Variants in RANBP2 observed in about 807,000 individuals in gnomAD.
RANBP2 encodes the protein E3 SUMO-protein ligase RanBP2.
In RANBP2, 57 loss-of-function variants were observed where a neutral mutation model predicts 303.6. The ratio of observed to expected loss-of-function variants is 0.19; its 90% CI spans 0.15 to 0.23. The LOEUF (loss-of-function observed/expected upper bound fraction) is 0.23, where lower values mean the gene tolerates loss of function less well. Ranked by LOEUF, RANBP2 falls within the 10% of genes least tolerant of loss-of-function variation. The probability of loss-of-function intolerance (pLI) is 1.00; values close to 1 mark genes in which losing one functional copy is unlikely to be tolerated. For missense variants in RANBP2, 3,138 were observed against 3,780.8 expected, an observed-to-expected ratio of 0.83 and a Z score of 4.46; for synonymous variants, 1,167 against 1,301.5, an observed-to-expected ratio of 0.90 and a Z score of 2.23.
chr2:109,647,674 T>C, the RANBP2 span, among the ~76,000 whole-genome samples: 2 of 150,572 alleles, frequency 1.3e-5, no homozygotes, highest in Non-Finnish European at 3.0e-5. Context: ...TTCACTATGT[T>C]GGCCAGGCTG....
the RANBP2 span, among the ~76,000 whole-genome samples, chr2:109,194,502 C>T: frequency 3.9e-5 from 6 of 152,160 alleles, no homozygotes; most frequent in East Asian, 3.8e-4. Flanking sequence ...GTGGGTGGTG[C>T]GCATCTGAGG....
chr2:109,156,432 A>G, the RANBP2 span, among the ~76,000 whole-genome samples: 122 of 152,048 alleles, frequency 8.0e-4, 1 homozygote, highest in African/African-American at 2.7e-3. Flanking sequence ...AGGATACACT[A>G]AGGGATGAAT....
the RANBP2 span, among the ~76,000 whole-genome samples, chr2:109,241,267 A>AACAACT: frequency 8.6e-5 from 13 of 151,878 alleles, no homozygotes; most frequent in African/African-American, 3.1e-4. Context: ...TAACAACAAC[A>AACAACT]ACAGAAAAGA....
the RANBP2 span, among the ~76,000 whole-genome samples, chr2:109,535,054 G>C: frequency 4.6e-5 from 7 of 152,254 alleles, no homozygotes; most frequent in East Asian, 1.9e-4. Flanking sequence ...CAGGTGCACT[G>C]TTTAATTTCT....
At chr2:109,689,747 CTTAA>C in the RANBP2 span, among the ~76,000 whole-genome samples, 1 of 152,138 alleles carries the variant, frequency 6.6e-6, no homozygotes, top group Admixed American at 6.5e-5. Context: ...TAGTCAAGCA[CTTAA>C]AGGGAAATTT....
chr2:108,841,493 A>G, the RANBP2 span, among the ~76,000 whole-genome samples: 1 of 152,058 alleles, frequency 6.6e-6, no homozygotes, highest in Non-Finnish European at 1.5e-5. Context: ...TCATTTTATA[A>G]TGTCCTTCTC....
intron 1 of RANBP2, among the ~76,000 whole-genome samples, chr2:108,721,902 C>G (rs1217981342): frequency 6.6e-6 from 1 of 151,864 alleles, no homozygotes. Context: ...CCACCATGCC[C>G]GGCTTTTTTC....
At chr2:108,758,204 G>A (rs576931321) in intron 17 of RANBP2, among the ~76,000 whole-genome samples, 4 of 151,956 alleles carry the variant, frequency 2.6e-5, no homozygotes, top group Non-Finnish European at 5.9e-5. Context: ...CGCTGAAGTG[G>A]GAGAATTGCT....
the RANBP2 span, among the ~76,000 whole-genome samples, chr2:109,133,844 T>A: frequency 5.2e-4 from 79 of 151,978 alleles, 1 homozygote; most frequent in South Asian, 0.016. Context: ...GGACAACAGA[T>A]CCCTGATAAG....
the RANBP2 span, among the ~76,000 whole-genome samples, chr2:109,081,889 C>A: frequency 6.6e-6 from 1 of 152,208 alleles, no homozygotes; most frequent in Admixed American, 6.5e-5. Flanking sequence ...GGGGAGATCA[C>A]TGGGGGATGG....
At chr2:109,038,195 T>C in the RANBP2 span, among the ~76,000 whole-genome samples, 2 of 152,218 alleles carry the variant, frequency 1.3e-5, no homozygotes, top group East Asian at 3.8e-4. Flanking sequence ...AAGGATAGCC[T>C]TTTCAATAAA....
chr2:109,344,061 A>G, the RANBP2 span, among the ~76,000 whole-genome samples: 1 of 152,090 alleles, frequency 6.6e-6, no homozygotes, highest in Non-Finnish European at 1.5e-5. Context: ...CTTCTTTTGT[A>G]ACTTTCCCCC....
chr2:109,703,671 C>T, the RANBP2 span, among the ~76,000 whole-genome samples: 147 of 152,312 alleles, frequency 9.7e-4, no homozygotes, highest in Middle Eastern at 3.4e-3. Flanking sequence ...TCAGGTGATC[C>T]GCCCGCCTCG....
chr2:109,327,849 C>T, the RANBP2 span, among the ~76,000 whole-genome samples: 4 of 152,252 alleles, frequency 2.6e-5, no homozygotes, highest in African/African-American at 9.6e-5. Flanking sequence ...CATGTTTGCC[C>T]TTTGCATAAA....
chr2:109,538,577 C>T, the RANBP2 span, among the ~76,000 whole-genome samples: 4 of 152,366 alleles, frequency 2.6e-5, no homozygotes, highest in South Asian at 2.1e-4. Flanking sequence ...AGTGCAGTGG[C>T]ATGATCTCGG....
the RANBP2 span, among the ~76,000 whole-genome samples, chr2:108,990,424 C>T: frequency 8.2e-6 from 1 of 122,184 alleles, no homozygotes; most frequent in Admixed American, 1.1e-4. Flanking sequence ...GGTGACAGAG[C>T]GAGACTCCGT....
At chr2:109,398,576 C>T in the RANBP2 span, 4 of 1,538,310 alleles carry the variant, frequency 2.6e-6, no homozygotes, top group Admixed American at 3.9e-5. Context: ...TCCCCTCTCC[C>T]CTTTCTCACT....
the RANBP2 span, among the ~76,000 whole-genome samples, chr2:109,433,439 C>T: frequency 2.6e-5 from 4 of 152,198 alleles, 1 homozygote; most frequent in East Asian, 1.9e-4. Context: ...GGGAATTTTT[C>T]GCTGAGATGA....
the RANBP2 span, among the ~76,000 whole-genome samples, chr2:109,123,980 T>TTTTA: frequency 0.089 from 13,170 of 147,440 alleles, 695 homozygotes; most frequent in East Asian, 0.2. Context: ...TTCTTTTCAG[T>TTTTA]TTTATTTATT....
Sources: gnomAD v4.1 joint callset for allele counts (sites outside exome capture counted in the v4.1 genomes callset) on GRCh38, gnomAD v4.1.1 for gene constraint, MANE v1.5 for transcripts, NCBI Gene and HGNC (gene_info 2026-07-23, HGNC 2026-07-21) for gene names.